Variants in MTRR observed in about 807,000 individuals in gnomAD.
MTRR encodes the protein 5-methyltetrahydrofolate-homocysteine methyltransferase reductase.
In MTRR, 63 loss-of-function variants were observed where a neutral mutation model predicts 79.2. The observed-to-expected ratio is 0.80, with a 90% CI of 0.65 to 0.98. The LOEUF is 0.98. MTRR is among the 50% of genes least tolerant of loss of function. The pLI is 0.00. For missense variants in MTRR, 895 were observed against 839.6 expected, an observed-to-expected ratio of 1.07 and a Z score of -0.82; for synonymous variants, 355 against 313.3, an observed-to-expected ratio of 1.13 and a Z score of -1.41.
At chr5:7,882,749 GCCCCACA>G (rs1385971595) in intron 5 of MTRR, among the ~76,000 whole-genome samples, 1 of 151,666 alleles carries the variant, frequency 6.6e-6, no homozygotes, top group African/African-American at 2.4e-5. Context: ...GAACAGCATT[GCCCCACA>G]CTAGGGGGTT....
intron 8 of MTRR, among the ~76,000 whole-genome samples, chr5:7,887,754 ATATG>A (rs1229677383): frequency 6.9e-6 from 1 of 144,036 alleles, no homozygotes; most frequent in Non-Finnish European, 1.5e-5. Context: ...GTGTGTGTAT[ATATG>A]TGTGTGTATG....
rs986296118 is a variant in MTRR, at chr5:7,853,974, G to GCAGGTTAC, written n.391+2393_391+2400dup. Among the ~76,000 whole-genome samples, 8 of 152,180 alleles carry GCAGGTTAC rather than the reference G, an allele frequency of 5.3e-5. No individual in the cohort carries two copies. The South Asian group carries it at 8.3e-4, about 16-fold the overall frequency. On this transcript the variant is annotated intron_variant and non_coding_transcript_variant, in intron 1 of 3. Coordinates refer to the MTRR transcript ENST00000502509. ...AGATGTGAGGCCCTGAGGATGCAGG[G>GCAGGTTAC]CAGGTTACCAGAGACAGATGAAACC...
upstream of MTRR, chr5:7,868,866 C>G (rs1747290593): frequency 5.4e-6 from 3 of 551,524 alleles, no homozygotes; most frequent in Non-Finnish European, 9.8e-6. Context: ...AACTCGGCGC[C>G]CCGGGGACCT....
intron 11 of MTRR, among the ~76,000 whole-genome samples, chr5:7,894,406 G>A (rs1738156656): frequency 6.6e-6 from 1 of 152,236 alleles, no homozygotes; most frequent in African/African-American, 2.4e-5. Flanking sequence ...AAGCCTGTGG[G>A]CGTGGTGTAG....
In MTRR at chr5:7,878,437, A is replaced by G. The variant is rs1734955327; in HGVS notation, c.780+115A>G. 7 of 1,335,780 alleles carry G rather than the reference A, an allele frequency of 5.2e-6. No homozygotes were observed. The South Asian group carries it at 7.3e-5, about 14-fold the overall frequency. The allele number at this position is 1,335,780 out of a possible 1,614,324, so 82.7% of individuals were successfully genotyped here. A position where few individuals can be genotyped will look rare whatever the true frequency, so the allele number is the denominator to read the frequency against. On this transcript the variant is annotated intron_variant, in intron 5 of 14. Transcript: ENST00000440940. ...TCAACAAACTATGGCTTACTGGCCC[A>G]ATGTGGCCCAGAGCCTTTCTTTTGT...
intron 9 of MTRR, chr5:7,890,433 T>G (rs1046146309): frequency 6.1e-6 from 6 of 984,494 alleles, no homozygotes; most frequent in Admixed American, 1.2e-4. Flanking sequence ...CTAAGTAGTA[T>G]TAGAAAGTTC....
At chr5:7,870,079 C>G in intron 1 of MTRR, 1 of 985,108 alleles carries the variant, frequency 1.0e-6, no homozygotes, top group Non-Finnish European at 1.2e-6. Context: ...TGTTTTACTA[C>G]TGCTTATCTC....
chr5:7,881,577 G>A (rs1388204496), intron 5 of MTRR, among the ~76,000 whole-genome samples: 1 of 152,150 alleles, frequency 6.6e-6, no homozygotes, highest in Non-Finnish European at 1.5e-5. Flanking sequence ...AGATTTTTAA[G>A]GGAATCTGAG....
chr5:7,894,497 A>G (rs1016403959), intron 11 of MTRR, among the ~76,000 whole-genome samples: 2 of 152,222 alleles, frequency 1.3e-5, no homozygotes, highest in Non-Finnish European at 2.9e-5. Context: ...CCTTCGAGGA[A>G]GAGAGCCCCA....
At chr5:7,889,366 G>C in intron 9 of MTRR, 91 bp downstream of exon 9, 1 of 1,396,156 alleles carries the variant, frequency 7.2e-7, no homozygotes, top group Non-Finnish European at 1.0e-6. Context: ...TGCTGCTCTT[G>C]TCTTACCCTT....
chr5:7,869,362 CGGGCTG>C, intron 1 of MTRR, 147 bp downstream of exon 1: 1 of 835,092 alleles, frequency 1.2e-6, no homozygotes, highest in Non-Finnish European at 1.9e-6. Context: ...GCCGCGGGCG[CGGGCTG>C]GGGCTCGGAC....
intron 1 of MTRR, among the ~76,000 whole-genome samples, chr5:7,854,536 A>AG (rs1331891989): frequency 6.6e-6 from 1 of 152,110 alleles, no homozygotes; most frequent in Non-Finnish European, 1.5e-5. Flanking sequence ...TCATGGCAGG[A>AG]GATGAAAGGC....
rs1167338793 is a variant in MTRR, at chr5:7,862,778, C to T, written n.498+721C>T. The T allele has an allele frequency of 5.3e-6, 8 of 1,511,780 alleles. No homozygotes were observed. The South Asian group carries it at 9.6e-5, about 18-fold the overall frequency. 93.6% of individuals were successfully genotyped at this position (1,511,780 alleles called of 1,614,324 possible). Reference sequence around the variant, plus strand: ...AGTCCCATATATCTCCAAAATCGAACAGGATGCTTAGGTTTAAAACAACAA... The same window carrying T: ...AGTCCCATATATCTCCAAAATCGAATAGGATGCTTAGGTTTAAAACAACAA... On this transcript the variant is annotated intron_variant and non_coding_transcript_variant, in intron 2 of 3. Transcript: ENST00000502509.
At chr5:7,880,158 A>C (rs1735343869) in intron 5 of MTRR, among the ~76,000 whole-genome samples, 1 of 152,170 alleles carries the variant, frequency 6.6e-6, no homozygotes, top group Admixed American at 6.5e-5. Context: ...CTTACCAAAG[A>C]CCGCACTGTC....
At chr5:7,888,305 TA>T (rs1736962398) in intron 8 of MTRR, among the ~76,000 whole-genome samples, 1 of 152,262 alleles carries the variant, frequency 6.6e-6, no homozygotes, top group South Asian at 2.1e-4. Flanking sequence ...TGTAGTACCA[TA>T]AAGTTTTTGT....
intron 12 of MTRR, chr5:7,896,496 T>C (rs1202910315): frequency 3.2e-6 from 1 of 314,584 alleles, no homozygotes; most frequent in Non-Finnish European, 6.0e-6. Context: ...CGTAGACACT[T>C]TACACATTCT....
In MTRR at chr5:7,859,480, T is replaced by C. The variant is rs574893898; in HGVS notation, n.392-2471T>C. ...CAGTGTTTTGAGAAAACAGTTTTCTTTGTAAATATTCCACCAATTCACGTC... is the reference window on the plus strand; with the variant it reads ...CAGTGTTTTGAGAAAACAGTTTTCTCTGTAAATATTCCACCAATTCACGTC... On this transcript the variant is annotated intron_variant and non_coding_transcript_variant, in intron 1 of 3. Transcript: ENST00000502509. 2.5e-6 allele frequency: 4 copies of C among 1,607,380 alleles called. No individual in the cohort carries two copies. The East Asian group carries it at 6.7e-5, about 27-fold the overall frequency.
At chr5:7,854,734 A>G (rs1746188181) in intron 1 of MTRR, among the ~76,000 whole-genome samples, 2 of 152,162 alleles carry the variant, frequency 1.3e-5, no homozygotes, top group Non-Finnish European at 2.9e-5. Context: ...TTGGGTCGGG[A>G]CGTAGAGCCA....
chr5:7,895,786 C>T lies in MTRR; in HGVS notation c.1610C>T (p.Ser537Leu). 6.2e-7 allele frequency: 1 copy of T among 1,614,110 alleles called. No homozygotes were observed. The highest frequency in any genetic ancestry group is 8.5e-7 in the Non-Finnish European group (1 of 1,179,960). ...TCTTTCCACTTACCAGATGACCCCT[C>T]AATCCCCATCATAATGGTGGGTCCA... is the stretch of plus-strand genomic sequence containing the variant. ...TNSFHLPDDP[S>L]IPIIMVGPGT... The change falls in exon 12 of 15, where the codon TCA becomes TTA. Residue 537 changes from serine (S) to leucine (L), a missense_variant. By Grantham distance (145) the Ser-to-Leu change is moderately radical. Coordinates refer to ENST00000440940, the MANE Select transcript of MTRR (RefSeq NM_002454.3).
Sources: allele counts gnomAD v4.1 joint callset (sites outside exome capture counted in the v4.1 genomes callset), GRCh38; gene constraint gnomAD v4.1.1; transcripts MANE v1.5; gene names NCBI Gene and HGNC (gene_info 2026-07-23, HGNC 2026-07-21).